Variants in SLC4A4 observed in about 807,000 individuals in gnomAD.
SLC4A4 encodes the protein electrogenic sodium bicarbonate cotransporter 1.
Under a neutral mutation model 111.5 loss-of-function variants are expected in SLC4A4, and 27 were observed. The ratio of observed to expected loss-of-function variants is 0.24; its 90% CI spans 0.18 to 0.33. The LOEUF is 0.33. SLC4A4 is among the 10% of genes least tolerant of loss of function. The probability of loss-of-function intolerance (pLI) is 1.00; values close to 1 mark genes in which losing one functional copy is unlikely to be tolerated. For synonymous variants in SLC4A4, 443 were observed against 463.4 expected (o/e 0.96, Z 0.57); for missense variants, 909 against 1,315.5 (o/e 0.69, Z 4.78).
At chr4:71,510,976 G>A (rs145444907) in intron 16 of SLC4A4, among the ~76,000 whole-genome samples, 514 of 152,042 alleles carry the variant, frequency 3.4e-3, no homozygotes, top group African/African-American at 0.011. Context: ...ACCTTTCATT[G>A]CATAAAACAA....
chr4:71,459,360 T>C (rs1432919883), intron 12 of SLC4A4, among the ~76,000 whole-genome samples: 1 of 151,934 alleles, frequency 6.6e-6, no homozygotes, highest in Non-Finnish European at 1.5e-5. Flanking sequence ...AGAAGGTAAT[T>C]TTGCCCTTAA....
intron 1 of SLC4A4, among the ~76,000 whole-genome samples, chr4:71,088,041 A>G (rs1285338055): frequency 6.6e-6 from 1 of 151,876 alleles, no homozygotes; most frequent in East Asian, 1.9e-4. Context: ...TGGGAGTCTA[A>G]GTCTCTTTGT....
At chr4:71,437,773 A>G in intron 7 of SLC4A4, 1 of 269,556 alleles carries the variant, frequency 3.7e-6, no homozygotes. Flanking sequence ...CTTGACAGTC[A>G]CCATCTTGGA....
At chr4:71,258,110 C>A (rs1176377884) in intron 3 of SLC4A4, among the ~76,000 whole-genome samples, 1 of 152,198 alleles carries the variant, frequency 6.6e-6, no homozygotes, top group Non-Finnish European at 1.5e-5. Flanking sequence ...AATAAAACCT[C>A]AATTGGGCAT....
At chr4:71,422,695 A>G (rs368069735) in intron 7 of SLC4A4, among the ~76,000 whole-genome samples, 1 of 151,290 alleles carries the variant, frequency 6.6e-6, no homozygotes, top group Admixed American at 6.6e-5. Context: ...ACGCAAATCA[A>G]TAAATGTAAT....
intron 3 of SLC4A4, 145 bp downstream of exon 3, chr4:71,255,544 G>C: frequency 1.1e-6 from 1 of 940,246 alleles, no homozygotes; most frequent in Middle Eastern, 3.2e-4. Flanking sequence ...AATGTCTGTG[G>C]AGATGCTTTG....
chr4:71,291,685 A>C (rs1724365132), intron 3 of SLC4A4, among the ~76,000 whole-genome samples: 1 of 152,176 alleles, frequency 6.6e-6, no homozygotes, highest in Admixed American at 6.5e-5. Flanking sequence ...GCACCCCAAA[A>C]GGGTCCTCAG....
At chr4:71,337,985 A>T (rs1262032382) in intron 3 of SLC4A4, among the ~76,000 whole-genome samples, 1 of 151,800 alleles carries the variant, frequency 6.6e-6, no homozygotes, top group East Asian at 1.9e-4. Context: ...ACACGCCACC[A>T]CGCCTGGCTA....
intron 2 of SLC4A4, among the ~76,000 whole-genome samples, chr4:71,142,886 T>C (rs1447202762): frequency 6.6e-6 from 1 of 151,558 alleles, no homozygotes; most frequent in African/African-American, 2.4e-5. Context: ...TCCTCCCACC[T>C]TTCCAAAGAA....
chr4:71,525,437 A>G (rs548947278), intron 16 of SLC4A4, among the ~76,000 whole-genome samples: 184 of 152,308 alleles, frequency 1.2e-3, no homozygotes, highest in Admixed American at 2.1e-3. Context: ...TCCGTCTTTC[A>G]TAAATTGAGG....
At chr4:71,133,544 A>G (rs1743764920) in intron 2 of SLC4A4, among the ~76,000 whole-genome samples, 1 of 152,178 alleles carries the variant, frequency 6.6e-6, no homozygotes, top group Admixed American at 6.5e-5. Flanking sequence ...AAAGTGGTCC[A>G]GGGTAGTCGT....
intron 3 of SLC4A4, among the ~76,000 whole-genome samples, chr4:71,286,858 C>G (rs897903866): frequency 1.3e-5 from 2 of 151,550 alleles, no homozygotes; most frequent in Non-Finnish European, 2.9e-5. Context: ...AATTCATTCT[C>G]TCTCTGAATC....
intron 6 of SLC4A4, among the ~76,000 whole-genome samples, chr4:71,379,722 A>G (rs1172992150): frequency 1.3e-5 from 2 of 152,198 alleles, no homozygotes; most frequent in Non-Finnish European, 2.9e-5. Flanking sequence ...CTGAACAATA[A>G]GGTGGTTCCA....
chr4:71,174,022 T>C (rs1312890325), intron 2 of SLC4A4, among the ~76,000 whole-genome samples: 3 of 152,190 alleles, frequency 2.0e-5, no homozygotes, highest in African/African-American at 7.2e-5. Flanking sequence ...GCTATCAATA[T>C]TTTAGTTGCC....
intron 3 of SLC4A4, among the ~76,000 whole-genome samples, chr4:71,337,252 G>A (rs1728504699): frequency 6.6e-6 from 1 of 152,072 alleles, no homozygotes; most frequent in Admixed American, 6.6e-5. Context: ...TCTAAATTGT[G>A]GTGACTGAAA....
chr4:71,285,121 A>G (rs759522653), intron 3 of SLC4A4, among the ~76,000 whole-genome samples: 15 of 152,204 alleles, frequency 9.9e-5, no homozygotes, highest in Non-Finnish European at 1.6e-4. Context: ...AGATGCCATT[A>G]TGTGCTCCAT....
rs1392067246 is a variant in SLC4A4 at position 71,468,748 on chromosome 4, C to T, written c.1631+2171C>T. ...TCCATGCTCCATGAAAAAAAAAAACCTCTGTGGTCCCAGTAAGTCTGGGAA... is the reference window on the plus strand; with the variant it reads ...TCCATGCTCCATGAAAAAAAAAAACTTCTGTGGTCCCAGTAAGTCTGGGAA... On this transcript the variant is annotated intron_variant, in intron 13 of 25. Transcript: ENST00000264485. Among the ~76,000 whole-genome samples, 3 of 150,644 alleles carry T rather than the reference C, an allele frequency of 2.0e-5. No individual in the cohort carries two copies. In the East Asian group the frequency reaches 5.9e-4, roughly 30 times the overall value.
At chr4:71,441,591 A>G (rs937065686) in intron 8 of SLC4A4, among the ~76,000 whole-genome samples, 2 of 152,104 alleles carry the variant, frequency 1.3e-5, no homozygotes, top group African/African-American at 4.8e-5. Context: ...TCATGTGAGC[A>G]GGAAGGGCTA....
intron 2 of SLC4A4, among the ~76,000 whole-genome samples, chr4:71,166,217 G>C (rs2148979878): frequency 6.6e-6 from 1 of 152,268 alleles, no homozygotes; most frequent in African/African-American, 2.4e-5. Context: ...CCCATATGAA[G>C]GAGTGATCAG....
Sources: allele counts gnomAD v4.1 joint callset (sites outside exome capture counted in the v4.1 genomes callset), GRCh38; gene constraint gnomAD v4.1.1; transcripts MANE v1.5; gene names NCBI Gene and HGNC (gene_info 2026-07-23, HGNC 2026-07-21).